Variants in ROBO1 observed in about 807,000 individuals in gnomAD.
ROBO1 encodes the protein roundabout guidance receptor 1.
ROBO1 carries 149 observed loss-of-function variants against 195.9 expected under a neutral mutation model. That is an observed-to-expected ratio of 0.76 (90% CI 0.67 to 0.87). ROBO1 has a LOEUF of 0.87. ROBO1 is among the 40% of genes least tolerant of loss of function. ROBO1 has a pLI of 0.00. For synonymous variants in ROBO1, 816 were observed against 733.2 expected (o/e 1.11, Z -1.82); for missense variants, 1,933 against 2,068.3 (o/e 0.93, Z 1.27).
At chr3:79,688,315 A>G (rs994390289) in intron 1 of ROBO1, among the ~76,000 whole-genome samples, 1 of 151,860 alleles carries the variant, frequency 6.6e-6, no homozygotes, top group Admixed American at 6.6e-5. Flanking sequence ...ACATGTATAC[A>G]TATGTAACTA....
At chr3:79,374,254 T>C (rs1577036891) in intron 2 of ROBO1, among the ~76,000 whole-genome samples, 1 of 152,180 alleles carries the variant, frequency 6.6e-6, no homozygotes, top group East Asian at 1.9e-4. Context: ...TTATGAAATA[T>C]GTAAATGAAT....
chr3:78,844,551 G>C lies in ROBO1; in HGVS notation c.499+94050C>G, dbSNP rs144809552. On this transcript the variant is annotated intron_variant, in intron 4 of 30. Coordinates refer to ENST00000464233, the MANE Select transcript of ROBO1 (RefSeq NM_002941.4). ...AATACTAGGCTTTGTGTTGACCATG[G>C]CAAAAGATTTATGAGCAAAGGGCAA... Among the ~76,000 whole-genome samples, 125 of 152,120 alleles carry C rather than the reference G, an allele frequency of 8.2e-4. 1 individual carries two copies. In the East Asian group the frequency reaches 0.023, roughly 28 times the overall value.
intron 4 of ROBO1, among the ~76,000 whole-genome samples, chr3:78,832,238 A>G (rs889882737): frequency 6.6e-6 from 1 of 152,214 alleles, no homozygotes; most frequent in African/African-American, 2.4e-5. Context: ...TCAATGTTAC[A>G]CACATCTTAA....
intron 2 of ROBO1, among the ~76,000 whole-genome samples, chr3:79,126,146 G>A (rs867406878): frequency 6.6e-6 from 1 of 152,064 alleles, no homozygotes; most frequent in African/African-American, 2.4e-5. Flanking sequence ...TCATCTTAAA[G>A]GACTGATATA....
intron 2 of ROBO1, among the ~76,000 whole-genome samples, chr3:79,220,416 G>A (rs1444953534): frequency 6.6e-6 from 1 of 151,996 alleles, no homozygotes; most frequent in Non-Finnish European, 1.5e-5. Context: ...ATTCTAGAGT[G>A]TAATAAATAA....
intron 4 of ROBO1, among the ~76,000 whole-genome samples, chr3:78,926,206 A>G (rs1234722164): frequency 6.6e-6 from 1 of 152,162 alleles, no homozygotes; most frequent in Admixed American, 6.5e-5. Flanking sequence ...GATGGGGTTG[A>G]ATTCTAGGCC....
At chr3:79,302,772 A>G (rs1021855362) in intron 2 of ROBO1, among the ~76,000 whole-genome samples, 1 of 152,156 alleles carries the variant, frequency 6.6e-6, no homozygotes, top group East Asian at 1.9e-4. Context: ...AGAAGAGAGT[A>G]TATCAGTCAT....
At chr3:79,227,096 T>A (rs570766309) in intron 2 of ROBO1, among the ~76,000 whole-genome samples, 2 of 152,312 alleles carry the variant, frequency 1.3e-5, no homozygotes, top group South Asian at 4.1e-4. Context: ...ACTTAACATC[T>A]TTGTCCTTTT....
chr3:79,326,952 A>G (rs936940968), intron 2 of ROBO1, among the ~76,000 whole-genome samples: 2 of 152,122 alleles, frequency 1.3e-5, no homozygotes, highest in African/African-American at 2.4e-5. Context: ...GTAATTTACT[A>G]TATTTATAGG....
At chr3:79,575,431 T>C (rs1391921581) in intron 2 of ROBO1, among the ~76,000 whole-genome samples, 3 of 131,600 alleles carry the variant, frequency 2.3e-5, no homozygotes, top group Non-Finnish European at 3.1e-5. Context: ...TATATAAATA[T>C]ATATATAACA....
At position 78,673,559 on chromosome 3, in the gene ROBO1, ATT is replaced by A. The variant is rs1172752825; in HGVS notation, c.1343-3260_1343-3259del. Among the ~76,000 whole-genome samples, 111 of 88,098 alleles carry A rather than the reference ATT, an allele frequency of 1.3e-3. 1 individual carries two copies. Among genetic ancestry groups the A allele is most frequent in the Admixed American group, 2.7e-3 (17 of 6,318 alleles). The allele number at this position is 88,098 out of a possible 152,430, so 57.8% of individuals were successfully genotyped here. Reference sequence around the variant, plus strand: ...TATATATTACAGCTAGGTTACATATATTTTATATATATATATATATATATATA... The same window carrying A: ...TATATATTACAGCTAGGTTACATATATTATATATATATATATATATATATA... On this transcript the variant is annotated intron_variant, in intron 10 of 30. Transcript: ENST00000464233.
intron 2 of ROBO1, among the ~76,000 whole-genome samples, chr3:79,410,816 G>A (rs889591247): frequency 4.6e-5 from 7 of 152,156 alleles, no homozygotes; most frequent in African/African-American, 1.7e-4. Flanking sequence ...AGCTTGTGCT[G>A]CTTGCAGTCC....
At chr3:78,694,670 G>A (rs914615833) in intron 8 of ROBO1, among the ~76,000 whole-genome samples, 55 of 152,078 alleles carry the variant, frequency 3.6e-4, no homozygotes, top group African/African-American at 1.3e-3. Flanking sequence ...CAAAAACACG[G>A]AATGGATAGA....
intron 2 of ROBO1, among the ~76,000 whole-genome samples, chr3:79,261,539 T>C (rs1037029658): frequency 4.6e-5 from 7 of 152,068 alleles, no homozygotes; most frequent in African/African-American, 1.7e-4. Context: ...ATTGTGAGTA[T>C]AGAAATGAAA....
At chr3:79,568,142 TATTTTGAAAAA>T (rs1274038800) in intron 2 of ROBO1, among the ~76,000 whole-genome samples, 1 of 152,110 alleles carries the variant, frequency 6.6e-6, no homozygotes, top group Non-Finnish European at 1.5e-5. Context: ...TCATTGTTAC[TATTTTGAAAAA>T]GAAACAACCA....
rs1167482550 is a variant in ROBO1 at position 79,412,874 on chromosome 3, ATTTTTTTTTT to A, written c.88+176940_88+176949del. On this transcript the variant is annotated intron_variant, in intron 2 of 30. Transcript: ENST00000464233. ...AATGATTTTATTGCCTCATGAGCTG[ATTTTTTTTTT>A]TTTTTTTTTTTTTTTTTTTTTTTTT... Among the ~76,000 whole-genome samples the A allele has an allele frequency of 7.5e-3, 289 of 38,346 alleles. 3 individuals are homozygous for A. Among genetic ancestry groups the A allele is most frequent in the East Asian group, 0.044 (51 of 1,164 alleles). The allele number at this position is 38,346 out of a possible 152,430, so 25.2% of individuals were successfully genotyped here.
intron 4 of ROBO1, among the ~76,000 whole-genome samples, chr3:78,916,579 A>G (rs969114081): frequency 7.0e-4 from 107 of 152,056 alleles, no homozygotes; most frequent in African/African-American, 2.4e-3. Context: ...AAAAAGAAAA[A>G]AATGGAATTA....
intron 3 of ROBO1, among the ~76,000 whole-genome samples, chr3:78,987,367 G>T (rs2077133347): frequency 6.6e-6 from 1 of 151,978 alleles, no homozygotes; most frequent in Non-Finnish European, 1.5e-5. Context: ...CAACAGATGG[G>T]GTTTGGGGCA....
chr3:79,153,217 A>G (rs2080803135), intron 2 of ROBO1, among the ~76,000 whole-genome samples: 1 of 151,742 alleles, frequency 6.6e-6, no homozygotes, highest in African/African-American at 2.4e-5. Context: ...ACTTCCACGT[A>G]GAAGAACCAT....
Sources: gnomAD v4.1 joint callset for allele counts (sites outside exome capture counted in the v4.1 genomes callset) on GRCh38, gnomAD v4.1.1 for gene constraint, MANE v1.5 for transcripts, NCBI Gene and HGNC (gene_info 2026-07-23, HGNC 2026-07-21) for gene names.